The following FAT3 variants were observed in gnomAD, a reference collection of about 807,000 sequenced individuals.
FAT3 encodes the protein protocadherin Fat 3.
A neutral mutation model predicts 310.2 loss-of-function variants in FAT3; 95 were observed. That is an observed-to-expected ratio of 0.31 (90% CI 0.26 to 0.36). FAT3 has a LOEUF of 0.36. Ranked by LOEUF, FAT3 falls within the 10% of genes least tolerant of loss-of-function variation. The pLI, the probability that FAT3 is intolerant of heterozygous loss-of-function variation, is 1.00. For synonymous variants in FAT3, 2,314 were observed against 2,192.9 expected (o/e 1.06, Z -1.54); for missense variants, 5,408 against 5,715.6 (o/e 0.95, Z 1.74).
At chr11:92,570,064 T>C (rs1317451080) in intron 3 of FAT3, among the ~76,000 whole-genome samples, 1 of 152,214 alleles carries the variant, frequency 6.6e-6, no homozygotes, top group Non-Finnish European at 1.5e-5. Flanking sequence ...GGTCAGTGTT[T>C]ATTTGACAGT....
intron 1 of FAT3, among the ~76,000 whole-genome samples, chr11:92,328,988 T>A (rs1947836969): frequency 6.6e-6 from 1 of 152,168 alleles, no homozygotes; most frequent in African/African-American, 2.4e-5. Context: ...AATAATTACT[T>A]AAAAACCTTC....
chr11:92,310,418 T>C (rs1191718847), intron 1 of FAT3, among the ~76,000 whole-genome samples: 1 of 152,198 alleles, frequency 6.6e-6, no homozygotes, highest in African/African-American at 2.4e-5. Flanking sequence ...GAGGAAAGTT[T>C]TGTGTCTGTG....
intron 3 of FAT3, among the ~76,000 whole-genome samples, chr11:92,659,350 A>C (rs1487649704): frequency 6.6e-6 from 1 of 152,198 alleles, no homozygotes; most frequent in Non-Finnish European, 1.5e-5. Context: ...TCCCCATTGT[A>C]ATATGATTTT....
At chr11:92,530,628 A>G (rs938770923) in intron 3 of FAT3, among the ~76,000 whole-genome samples, 2 of 152,110 alleles carry the variant, frequency 1.3e-5, no homozygotes, top group African/African-American at 2.4e-5. Context: ...ATACACTTGT[A>G]TTATTTCCAA....
At chr11:92,397,691 G>A (rs139048505) in intron 2 of FAT3, among the ~76,000 whole-genome samples, 1,641 of 151,090 alleles carry the variant, frequency 0.011, 16 homozygotes, top group Non-Finnish European at 0.018. Flanking sequence ...AGAGAAGCTC[G>A]CTTTTTCCAG....
At chr11:92,612,348 C>T (rs1477797370) in intron 3 of FAT3, among the ~76,000 whole-genome samples, 1 of 151,966 alleles carries the variant, frequency 6.6e-6, no homozygotes, top group African/African-American at 2.4e-5. Context: ...ATCATTTTAT[C>T]AGTTTTGCTG....
intron 3 of FAT3, among the ~76,000 whole-genome samples, chr11:92,562,329 C>G (rs1955255828): frequency 6.6e-6 from 1 of 152,150 alleles, no homozygotes; most frequent in African/African-American, 2.4e-5. Flanking sequence ...CTCTCTCTTT[C>G]TCTACATTCT....
Position 92,305,659 on chromosome 11 carries a change from A to G in FAT3, c.-17-46437A>G, listed in dbSNP as rs568184269. On this transcript the variant is annotated intron_variant, in intron 1 of 27. Coordinates refer to ENST00000525166, the MANE Select transcript of FAT3 (RefSeq NM_001367949.2). ...ATACAGGTGAAAGAACATCACTTCT[A>G]TGGTATTCGTCCCAAAATGCACACC... Among the ~76,000 whole-genome samples, 18 of 152,242 alleles carry G rather than the reference A, an allele frequency of 1.2e-4. No individual in the cohort carries two copies. The South Asian group carries it at 3.1e-3, about 26-fold the overall frequency.
intron 1 of FAT3, among the ~76,000 whole-genome samples, chr11:92,344,425 C>T (rs1451515189): frequency 4.6e-5 from 7 of 152,176 alleles, no homozygotes; most frequent in Non-Finnish European, 1.0e-4. Context: ...TATCAGATCA[C>T]CAATCCTGGT....
chr11:92,474,100 G>C (rs1421014921), intron 2 of FAT3, among the ~76,000 whole-genome samples: 1 of 152,180 alleles, frequency 6.6e-6, no homozygotes, highest in Admixed American at 6.5e-5. Context: ...TGAGAGGAAA[G>C]AGATTCCCTT....
chr11:92,469,796 T>C (rs1013586331), intron 2 of FAT3, among the ~76,000 whole-genome samples: 12 of 152,130 alleles, frequency 7.9e-5, no homozygotes, highest in African/African-American at 2.9e-4. Context: ...ATTACAGGCA[T>C]GAGCCACCGC....
intron 2 of FAT3, among the ~76,000 whole-genome samples, chr11:92,357,654 A>G (rs1203274118): frequency 2.0e-5 from 3 of 152,122 alleles, no homozygotes; most frequent in Admixed American, 1.3e-4. Context: ...TGCTATACAG[A>G]TGACTACATC....
In FAT3 at chr11:92,790,026, G is replaced by T. The variant is rs1016099212; in HGVS notation, c.4419G>T (p.Val1473=). Residue 1473 remains valine, a synonymous_variant, in exon 8 of 28, where the codon GTG becomes GTT. Transcript: ENST00000525166. ...PNYDVTISED[V]LPDTEILQIE... ...ACGATGTGACAATTTCCGAGGATGTGCTTCCAGACACGGAGATCCTGCAGA... is the reference window on the plus strand; with the variant it reads ...ACGATGTGACAATTTCCGAGGATGTTCTTCCAGACACGGAGATCCTGCAGA... 4 of 1,613,718 alleles carry T rather than the reference G, an allele frequency of 2.5e-6. 1 individual carries two copies. The African/African-American group carries it at 5.3e-5, about 22-fold the overall frequency.
chr11:92,622,347 G>A (rs564299695), intron 3 of FAT3, among the ~76,000 whole-genome samples: 2 of 152,016 alleles, frequency 1.3e-5, no homozygotes, highest in South Asian at 4.2e-4. Flanking sequence ...AATTCTCTTA[G>A]TAATAAAATT....
intron 13 of FAT3, among the ~76,000 whole-genome samples, chr11:92,822,345 A>C (rs73560353): frequency 0.015 from 2,308 of 151,960 alleles, 71 homozygotes; most frequent in African/African-American, 0.053. Flanking sequence ...CTGAACTGCT[A>C]ATTTGGATCA....
At chr11:92,738,837 C>G (rs1027706717) in intron 4 of FAT3, among the ~76,000 whole-genome samples, 4 of 152,112 alleles carry the variant, frequency 2.6e-5, no homozygotes, top group African/African-American at 9.7e-5. Context: ...CATCCATTAT[C>G]AAGTGGGGTT....
chr11:92,459,033 C>T (rs1049385642), intron 2 of FAT3, among the ~76,000 whole-genome samples: 2 of 152,162 alleles, frequency 1.3e-5, no homozygotes, highest in Admixed American at 1.3e-4. Flanking sequence ...TCAAAAAAGG[C>T]ATTCACTGAC....
At chr11:92,392,952 G>C (rs1015073843) in intron 2 of FAT3, among the ~76,000 whole-genome samples, 5 of 152,174 alleles carry the variant, frequency 3.3e-5, no homozygotes, top group Admixed American at 3.3e-4. Flanking sequence ...CAGTGCCTCA[G>C]TTGCGGGTTG....
intron 14 of FAT3, 134 bp downstream of exon 14, chr11:92,832,145 A>C: frequency 1.0e-6 from 1 of 986,488 alleles, no homozygotes; most frequent in South Asian, 1.8e-5. Flanking sequence ...AGCCTGGACA[A>C]CAGAGTGAGA....
Sources: gnomAD v4.1 joint callset for allele counts (sites outside exome capture counted in the v4.1 genomes callset) on GRCh38, gnomAD v4.1.1 for gene constraint, MANE v1.5 for transcripts, NCBI Gene and HGNC (gene_info 2026-07-23, HGNC 2026-07-21) for gene names.